SPDYA: variants seen among roughly 807,000 people sequenced by gnomAD.
SPDYA encodes the protein speedy/RINGO cell cycle regulator family member A, also known as speedy protein A.
Under a neutral mutation model 36.7 loss-of-function variants are expected in SPDYA, and 11 were observed. The observed-to-expected ratio is 0.30, with a 90% CI of 0.19 to 0.50. The LOEUF is 0.50. SPDYA is among the 20% of genes least tolerant of loss of function. The pLI, the probability that SPDYA is intolerant of heterozygous loss-of-function variation, is 0.98. For missense variants in SPDYA, 287 were observed against 370.9 expected, an observed-to-expected ratio of 0.77 and a Z score of 1.86; for synonymous variants, 115 against 118.7, an observed-to-expected ratio of 0.97 and a Z score of 0.20.
chr2:28,823,262 C>T (rs937614373), intron 5 of SPDYA, among the ~76,000 whole-genome samples: 2 of 152,132 alleles, frequency 1.3e-5, no homozygotes, highest in African/African-American at 4.8e-5. Flanking sequence ...AGTTTATATT[C>T]ATTGTGATCT....
Position 28,815,283 on chromosome 2 carries a change from AACACACACACACACACACACAC to A in SPDYA, c.-19+620_-19+641del, listed in dbSNP as rs55773017. On this transcript the variant is annotated intron_variant, in intron 2 of 7. Coordinates refer to ENST00000334056, the MANE Select transcript of SPDYA (RefSeq NM_182756.4). ...GGTGACAGAGCAAGACCCTGTCTGA[AACACACACACACACACACACAC>A]ACACACACACACACACACACACGAG... Among the ~76,000 whole-genome samples the A allele has an allele frequency of 2.5e-4, 34 of 136,928 alleles. No homozygotes were observed. In the South Asian group the frequency reaches 6.3e-3, roughly 25 times the overall value. 89.8% of individuals were successfully genotyped at this position (136,928 alleles called of 152,430 possible). A position where few individuals can be genotyped will look rare whatever the true frequency, so the allele number is the denominator to read the frequency against.
intron 6 of SPDYA, among the ~76,000 whole-genome samples, chr2:28,834,392 A>G (rs1192465066): frequency 1.3e-5 from 2 of 152,204 alleles, no homozygotes; most frequent in Non-Finnish European, 2.9e-5. Flanking sequence ...GGGTAAAAAC[A>G]AAACTATGTC....
At chr2:28,815,681 T>C (rs536513259) in intron 2 of SPDYA, among the ~76,000 whole-genome samples, 118 of 152,238 alleles carry the variant, frequency 7.8e-4, no homozygotes, top group African/African-American at 2.7e-3. Flanking sequence ...AAAAGAAGAC[T>C]ACAAATAAAT....
intron 6 of SPDYA, among the ~76,000 whole-genome samples, chr2:28,835,461 T>A (rs889383920): frequency 6.6e-6 from 1 of 152,146 alleles, no homozygotes; most frequent in African/African-American, 2.4e-5. Flanking sequence ...GGTCTCAAAC[T>A]CCTGATCTCA....
intron 6 of SPDYA, among the ~76,000 whole-genome samples, chr2:28,833,172 T>G (rs1668517109): frequency 6.6e-6 from 1 of 152,196 alleles, no homozygotes; most frequent in Non-Finnish European, 1.5e-5. Context: ...GAGTAATTTT[T>G]TTTTTAGGTA....
intron 7 of SPDYA, among the ~76,000 whole-genome samples, chr2:28,843,015 C>A (rs1249732507): frequency 6.6e-6 from 1 of 152,104 alleles, no homozygotes; most frequent in Non-Finnish European, 1.5e-5. Flanking sequence ...AAAGTTTATG[C>A]TCTGCTTTAG....
In SPDYA at chr2:28,811,446, GC is replaced by G. The variant is rs1401180961; in HGVS notation, c.-93+503del. 2.6e-5 allele frequency among the ~76,000 whole-genome samples: 4 copies of G among 152,088 alleles called. No individual in the cohort carries two copies. Among genetic ancestry groups the G allele is most frequent in the Admixed American group, 2.6e-4 (4 of 15,252 alleles). On this transcript the variant is annotated intron_variant, in intron 1 of 7. Transcript: ENST00000334056. The surrounding 1 kb of genome is among the most constrained non-coding windows in gnomAD (Gnocchi z 4.2). ...CCTCTTTTTGTCCCCAAGATCGTCT[GC>G]CCCAGAATTTTGAGATCTGAGCTGC... is the stretch of plus-strand genomic sequence containing the variant.
chr2:28,817,851 C>CAAAAA (rs70956049), intron 3 of SPDYA, among the ~76,000 whole-genome samples: 1 of 30,666 alleles, frequency 3.3e-5, no homozygotes, highest in Non-Finnish European at 5.1e-5. Context: ...GACTCTGTCT[C>CAAAAA]AAAAAAAAAA....
At chr2:28,849,028 G>A (rs1042060636) in intron 7 of SPDYA, among the ~76,000 whole-genome samples, 2 of 151,118 alleles carry the variant, frequency 1.3e-5, no homozygotes, top group African/African-American at 4.9e-5. Context: ...CTATGTGACA[G>A]AATGAGAATC....
At chr2:28,834,203 TAAACA>T (rs1572508599) in intron 6 of SPDYA, among the ~76,000 whole-genome samples, 1 of 151,936 alleles carries the variant, frequency 6.6e-6, no homozygotes, top group East Asian at 1.9e-4. Context: ...ATGATGGCTA[TAAACA>T]AAACAAAAAT....
chr2:28,841,150 T>C (rs1668742924), intron 7 of SPDYA, among the ~76,000 whole-genome samples: 1 of 152,016 alleles, frequency 6.6e-6, no homozygotes, highest in Non-Finnish European at 1.5e-5. Context: ...GCCAGGCCGG[T>C]CTCGAACTCC....
chr2:28,846,984 C>T (rs1431825170), intron 7 of SPDYA, among the ~76,000 whole-genome samples: 1 of 152,126 alleles, frequency 6.6e-6, no homozygotes, highest in African/African-American at 2.4e-5. Flanking sequence ...AAATGAATAA[C>T]ATAATTTCAT....
rs566565569 is a variant in SPDYA, at chr2:28,840,075, CT to C, written c.553-94del. 2,177 of 1,176,020 alleles carry C rather than the reference CT, an allele frequency of 1.9e-3. 4 individuals carry two copies. The highest frequency in any genetic ancestry group is 2.3e-3 in the Non-Finnish European group (1,976 of 848,514). 72.8% of individuals were successfully genotyped at this position (1,176,020 alleles called of 1,614,324 possible). A position where few individuals can be genotyped will look rare whatever the true frequency, so the allele number is the denominator to read the frequency against. ...TCAGCAATTTGGATTTTTATCTTCA[CT>C]TTAGAGACAGTTGTTCTTGAGTTAT... is the stretch of plus-strand genomic sequence containing the variant. On this transcript the variant is annotated intron_variant, in intron 6 of 7. Coordinates refer to ENST00000334056, the MANE Select transcript of SPDYA (RefSeq NM_182756.4).
chr2:28,833,033 G>A (rs1668513756), intron 6 of SPDYA, among the ~76,000 whole-genome samples: 1 of 151,918 alleles, frequency 6.6e-6, no homozygotes, highest in Non-Finnish European at 1.5e-5. Context: ...ATGGGGTCTC[G>A]CTATGTTGCC....
chr2:28,838,746 T>C (rs1228891872), intron 6 of SPDYA, among the ~76,000 whole-genome samples: 3 of 151,646 alleles, frequency 2.0e-5, no homozygotes, highest in Non-Finnish European at 1.5e-5. Flanking sequence ...GCGAGGAGGG[T>C]GGATCACTTG....
At chr2:28,827,331 C>G (rs939445061) in intron 5 of SPDYA, among the ~76,000 whole-genome samples, 24 of 152,120 alleles carry the variant, frequency 1.6e-4, no homozygotes, top group Admixed American at 1.1e-3. Flanking sequence ...TTATCTTCAG[C>G]TTATGTCTAA....
intron 5 of SPDYA, among the ~76,000 whole-genome samples, chr2:28,823,745 A>ATATATATATAT (rs1491479223): frequency 4.0e-3 from 170 of 42,722 alleles, no homozygotes; most frequent in Non-Finnish European, 5.6e-3. Flanking sequence ...ATATATATAT[A>ATATATATATAT]AAATTTTTTT....
intron 6 of SPDYA, among the ~76,000 whole-genome samples, chr2:28,837,123 G>T (rs1668623724): frequency 6.6e-6 from 1 of 152,184 alleles, no homozygotes. Context: ...ATAATCCAAT[G>T]ACAGTATGCA....
rs1271719579 is a variant in SPDYA at position 28,817,409 on chromosome 2, A to T, written c.235+1160A>T. Among the ~76,000 whole-genome samples, 4 of 152,180 alleles carry T rather than the reference A, an allele frequency of 2.6e-5. No homozygotes were observed. In the East Asian group the frequency reaches 7.7e-4, roughly 29 times the overall value. ...AAACCCTGTCTCTACTAAAAATATA[A>T]AATTAGCCGGGTGTGGTGGCACATG... is the stretch of plus-strand genomic sequence containing the variant. On this transcript the variant is annotated intron_variant, in intron 3 of 7. Coordinates refer to ENST00000334056, the MANE Select transcript of SPDYA (RefSeq NM_182756.4).
Sources: gnomAD v4.1 joint callset for allele counts (sites outside exome capture counted in the v4.1 genomes callset) on GRCh38, gnomAD v4.1.1 for gene constraint, Gnocchi (gnomAD v3.1) non-coding constraint, MANE v1.5 for transcripts, NCBI Gene and HGNC (gene_info 2026-07-23, HGNC 2026-07-21) for gene names.